The following DLG2 variants were observed in gnomAD, a reference collection of about 807,000 sequenced individuals.
DLG2 encodes discs large MAGUK scaffold protein 2.
Under a neutral mutation model 132.5 loss-of-function variants are expected in DLG2, and 45 were observed. The observed-to-expected ratio is 0.34, with a 90% confidence interval of 0.27 to 0.44. DLG2 has a LOEUF of 0.44. Among genes scored for constraint, DLG2 ranks in the 20% least tolerant of loss-of-function variants. DLG2 has a pLI of 1.00. For missense variants in DLG2, 1,045 were observed against 1,196.9 expected, an observed-to-expected ratio of 0.87 and a Z score of 1.87; for synonymous variants, 424 against 419.6, an observed-to-expected ratio of 1.01 and a Z score of -0.13.
In DLG2 at chr11:84,025,845, CAAAG is replaced by C. The variant is rs376151958; in HGVS notation, c.919+33466_919+33469del. Among the ~76,000 whole-genome samples, 35 of 151,888 alleles carry C rather than the reference CAAAG, an allele frequency of 2.3e-4. No individual in the cohort carries two copies. The East Asian group carries it at 6.6e-3, about 29-fold the overall frequency. ...ATTTATGAGTCAAACAGCATCCAGA[CAAAG>C]AAAGAAAGGACCAAAGCCAAATTGT... On this transcript the variant is annotated intron_variant, in intron 11 of 27. Coordinates refer to ENST00000376104, the MANE Select transcript of DLG2 (RefSeq NM_001142699.3).
At chr11:83,922,439 TAGAA>T (rs1463235395) in intron 15 of DLG2, among the ~76,000 whole-genome samples, 3 of 152,116 alleles carry the variant, frequency 2.0e-5, no homozygotes, top group African/African-American at 4.8e-5. Context: ...TACATAAACT[TAGAA>T]AGGGGCTATG....
At chr11:83,972,659 G>A (rs921462503) in intron 12 of DLG2, among the ~76,000 whole-genome samples, 8 of 151,998 alleles carry the variant, frequency 5.3e-5, no homozygotes, top group South Asian at 2.1e-4. Context: ...AAAAATGATC[G>A]CAGAACACCA....
Position 84,079,573 on chromosome 11 carries a change from G to A in DLG2, c.749+19350C>T, listed in dbSNP as rs141814566. On this transcript the variant is annotated intron_variant, in intron 10 of 27. Transcript: ENST00000376104. ...GTTGGGATTACAGGCATGAGCCACC[G>A]TGTCCAGCCCTACAACAGCTTCTTA... is the stretch of plus-strand genomic sequence containing the variant. Among the ~76,000 whole-genome samples, 252 of 152,224 alleles carry A rather than the reference G, an allele frequency of 1.7e-3. 1 individual carries two copies. The highest frequency in any genetic ancestry group is 6.8e-3 in the Middle Eastern group (2 of 294).
chr11:83,515,565 A>C lies in DLG2; in HGVS notation c.2193+17143T>G, dbSNP rs186030027. ...CTTAGTTATTTCTCACCTTCTGATAACTTTTGAATGTGTTTGCTCTTGCTT... is the reference window on the plus strand; with the variant it reads ...CTTAGTTATTTCTCACCTTCTGATACCTTTTGAATGTGTTTGCTCTTGCTT... On this transcript the variant is annotated intron_variant, in intron 21 of 27. Transcript: ENST00000376104. 2.0e-5 allele frequency among the ~76,000 whole-genome samples: 3 copies of C among 152,148 alleles called. No homozygotes were observed. In the East Asian group the frequency reaches 5.8e-4, roughly 29 times the overall value.
intron 6 of DLG2, among the ~76,000 whole-genome samples, chr11:84,602,508 T>A (rs2099578435): frequency 6.6e-6 from 1 of 152,020 alleles, no homozygotes. Context: ...CCATTAAGCT[T>A]TCCTTTCAAT....
Position 85,594,436 on chromosome 11 carries a change from G to T in DLG2, c.40+4221C>A, listed in dbSNP as rs150396147. 3.4e-4 allele frequency among the ~76,000 whole-genome samples: 51 copies of T among 152,112 alleles called. 1 individual carries two copies. In the East Asian group the frequency reaches 5.2e-3, roughly 16 times the overall value. On this transcript the variant is annotated intron_variant, in intron 3 of 27. Coordinates refer to ENST00000376104, the MANE Select transcript of DLG2 (RefSeq NM_001142699.3). ...GAGTTTTTTTAAAGTATCATTTACC[G>T]CTTGTTCTCCTCTAATTTCCCTCTA...
chr11:83,490,751 C>G (rs1565448981), intron 21 of DLG2, among the ~76,000 whole-genome samples: 1 of 151,722 alleles, frequency 6.6e-6, no homozygotes. Flanking sequence ...GTATTTCTGC[C>G]AAATATGTCA....
chr11:83,789,152 T>G (rs1328500330), intron 17 of DLG2, among the ~76,000 whole-genome samples: 1 of 152,016 alleles, frequency 6.6e-6, no homozygotes, highest in African/African-American at 2.4e-5. Flanking sequence ...GTTGTAGATC[T>G]CCATTCCATT....
chr11:85,523,900 T>TA (rs909626672), intron 3 of DLG2, among the ~76,000 whole-genome samples: 12 of 151,976 alleles, frequency 7.9e-5, no homozygotes, highest in South Asian at 2.1e-4. Context: ...TATTCAGCCC[T>TA]AAAAAAAAGA....
intron 19 of DLG2, among the ~76,000 whole-genome samples, chr11:83,564,611 A>C (rs2096670039): frequency 6.6e-6 from 1 of 152,204 alleles, no homozygotes; most frequent in Admixed American, 6.5e-5. Flanking sequence ...TGAGGGATCT[A>C]ACCCTCCATC....
At chr11:84,437,009 A>G (rs768695450) in intron 7 of DLG2, among the ~76,000 whole-genome samples, 3 of 152,200 alleles carry the variant, frequency 2.0e-5, no homozygotes, top group Non-Finnish European at 4.4e-5. Flanking sequence ...AGAACCAAAG[A>G]TCACAATAAT....
At chr11:83,491,909 G>A (rs755766731) in intron 21 of DLG2, among the ~76,000 whole-genome samples, 6 of 151,446 alleles carry the variant, frequency 4.0e-5, no homozygotes, top group African/African-American at 7.3e-5. Flanking sequence ...TTCAAATATC[G>A]TAACATCATC....
At chr11:85,492,243 G>A (rs2093577297) in intron 3 of DLG2, among the ~76,000 whole-genome samples, 1 of 152,138 alleles carries the variant, frequency 6.6e-6, no homozygotes, top group African/African-American at 2.4e-5. Flanking sequence ...TGGTGCAAAA[G>A]TAATTGCAGC....
At chr11:85,302,500 C>T (rs568602651) in intron 3 of DLG2, among the ~76,000 whole-genome samples, 1 of 152,208 alleles carries the variant, frequency 6.6e-6, no homozygotes, top group Admixed American at 6.5e-5. Context: ...TAAGCTATCC[C>T]AGACTGACTG....
intron 3 of DLG2, among the ~76,000 whole-genome samples, chr11:85,519,452 T>C (rs982749960): frequency 1.3e-5 from 2 of 152,170 alleles, no homozygotes; most frequent in Non-Finnish European, 2.9e-5. Flanking sequence ...TGTAGCCTCT[T>C]TGTTTTGGCC....
chr11:85,382,986 C>T (rs1387917594), intron 3 of DLG2, among the ~76,000 whole-genome samples: 1 of 152,026 alleles, frequency 6.6e-6, no homozygotes, highest in Non-Finnish European at 1.5e-5. Flanking sequence ...TCAGTATAGA[C>T]CCAAGAGAAC....
intron 3 of DLG2, among the ~76,000 whole-genome samples, chr11:85,298,944 C>A (rs561068401): frequency 5.3e-5 from 8 of 151,964 alleles, no homozygotes; most frequent in Admixed American, 2.6e-4. Context: ...AAATTTAATG[C>A]CCTAAAAATA....
intron 18 of DLG2, among the ~76,000 whole-genome samples, chr11:83,740,955 C>A (rs200325290): frequency 1.3e-5 from 2 of 152,074 alleles, no homozygotes; most frequent in African/African-American, 4.8e-5. Context: ...AGTTAATTTA[C>A]CGTGATCAAG....
rs150351695 is a variant in DLG2, at chr11:84,510,814, TTTTGTTTGTTTG to T, written c.519+23744_519+23755del. ...TTATTAAGTTACCAGGATAACTGTT[TTTTGTTTGTTTG>T]TTTGTTTGTTTGTTTGTTTTAGGAG... On this transcript the variant is annotated intron_variant, in intron 7 of 27. Transcript: ENST00000376104. Among the ~76,000 whole-genome samples the T allele has an allele frequency of 4.6e-5, 7 of 151,666 alleles. No individual in the cohort carries two copies. In the South Asian group the frequency reaches 1.0e-3, roughly 23 times the overall value.
Sources: gnomAD v4.1 joint callset for allele counts (sites outside exome capture counted in the v4.1 genomes callset) on GRCh38, gnomAD v4.1.1 for gene constraint, MANE v1.5 for transcripts, NCBI Gene and HGNC (gene_info 2026-07-23, HGNC 2026-07-21) for gene names.